The following MAPKAPK5 variants were observed in gnomAD, a reference collection of about 807,000 sequenced individuals.
MAPKAPK5 encodes the protein MAP kinase-activated protein kinase 5.
Under a neutral mutation model 65.1 loss-of-function variants are expected in MAPKAPK5, and 30 were observed. The ratio of observed to expected loss-of-function variants is 0.46; its 90% confidence interval spans 0.34 to 0.63. The LOEUF is 0.63. Ranked by LOEUF, MAPKAPK5 falls within the 20% of genes least tolerant of loss-of-function variation. The pLI is 0.01. For missense variants in MAPKAPK5, 433 were observed against 581.4 expected (o/e 0.74, Z 2.63); for synonymous variants, 179 against 204.6 (o/e 0.87, Z 1.07).
At chr12:111,866,992 G>A (rs542302796) in intron 3 of MAPKAPK5, among the ~76,000 whole-genome samples, 4 of 152,210 alleles carry the variant, frequency 2.6e-5, no homozygotes, top group South Asian at 2.1e-4. Flanking sequence ...GCAGTGGCAC[G>A]ATCATGGCTC....
chr12:111,870,110 GTTTC>G (rs996880477), intron 5 of MAPKAPK5, among the ~76,000 whole-genome samples, 157 bp from the exon 6 acceptor site: 8 of 152,236 alleles, frequency 5.3e-5, no homozygotes, highest in African/African-American at 1.9e-4. Context: ...AATCCATTCT[GTTTC>G]TTGGTATTCC....
chr12:111,901,257 C>T lies in MAPKAPK5; in HGVS notation c.*8196C>T, dbSNP rs1227025237. 2.2e-6 allele frequency: 1 copy of T among 455,930 alleles called. No homozygotes were observed. Among genetic ancestry groups the T allele is most frequent in the Non-Finnish European group, 4.4e-6 (1 of 226,800 alleles). The allele number at this position is 455,930 out of a possible 1,614,324, so 28.2% of individuals were successfully genotyped here. On this transcript the variant is annotated 3_prime_UTR_variant, in exon 14 of 14. Coordinates refer to ENST00000550735, the MANE Select transcript of MAPKAPK5 (RefSeq NM_003668.4). ...AACCCCAGTGATTTCTGCCTGCAAC[C>T]CAGAAAAAACGTGTAATGGGAAGGG...
chr12:111,845,807 C>A (rs183870380), intron 1 of MAPKAPK5, among the ~76,000 whole-genome samples: 1 of 152,048 alleles, frequency 6.6e-6, no homozygotes, highest in Non-Finnish European at 1.5e-5. Context: ...TCTGTAATCC[C>A]AGCTACTCAG....
At position 111,900,544 on chromosome 12, in the gene MAPKAPK5, C is replaced by T. The variant is rs1210578195; in HGVS notation, c.*7483C>T. The T allele has an allele frequency of 2.2e-6, 1 of 456,078 alleles. No homozygotes were observed. The highest frequency in any genetic ancestry group is 4.4e-6 in the Non-Finnish European group (1 of 226,800). The allele number at this position is 456,078 out of a possible 1,614,324, so 28.3% of individuals were successfully genotyped here. ...GCCTGCCTATTTAACAAGCCACGGC[C>T]CAGGGGCCGCAAGCGTAGGGATTCT... is the stretch of plus-strand genomic sequence containing the variant. On this transcript the variant is annotated 3_prime_UTR_variant, in exon 14 of 14. Coordinates refer to ENST00000550735, the MANE Select transcript of MAPKAPK5 (RefSeq NM_003668.4).
chr12:111,881,606 A>G (rs892653227), intron 8 of MAPKAPK5, among the ~76,000 whole-genome samples: 4 of 150,662 alleles, frequency 2.7e-5, no homozygotes, highest in African/African-American at 9.8e-5. Context: ...AGGATTCACC[A>G]TGTTGGCCAG....
chr12:111,842,722 GC>G lies in MAPKAPK5; in HGVS notation c.-8del. ...GCCTCCGCCTCTCCCGGCTGTGGGGGCCCCACTGAGTATGTCGGAGGAGAGC... is the reference window on the plus strand; with the variant it reads ...GCCTCCGCCTCTCCCGGCTGTGGGGGCCCACTGAGTATGTCGGAGGAGAGC... On this transcript the variant is annotated 5_prime_UTR_variant, in exon 1 of 14. Coordinates refer to ENST00000550735, the MANE Select transcript of MAPKAPK5 (RefSeq NM_003668.4). 3 of 1,374,422 alleles carry G rather than the reference GC, an allele frequency of 2.2e-6. No individual in the cohort carries two copies. Among genetic ancestry groups the G allele is most frequent in the Non-Finnish European group, 1.9e-6 (2 of 1,058,446 alleles). 85.1% of individuals were successfully genotyped at this position (1,374,422 alleles called of 1,614,324 possible).
At chr12:111,865,753 T>C (rs2069581167) in intron 2 of MAPKAPK5, among the ~76,000 whole-genome samples, 1 of 149,646 alleles carries the variant, frequency 6.7e-6, no homozygotes, top group Non-Finnish European at 1.5e-5. Flanking sequence ...GGAGAATCAC[T>C]TGAACCAGGG....
chr12:111,858,480 C>T (rs894906333), intron 1 of MAPKAPK5, among the ~76,000 whole-genome samples: 11 of 149,096 alleles, frequency 7.4e-5, no homozygotes, highest in African/African-American at 2.7e-4. Context: ...TTGATCATTT[C>T]TTTCTATGTA....
intron 1 of MAPKAPK5, chr12:111,843,083 C>G (rs1363805139): frequency 2.5e-6 from 1 of 398,666 alleles, no homozygotes; most frequent in Admixed American, 4.4e-5. Context: ...TACTACTACA[C>G]GTTTCGATCA....
chr12:111,901,999 A>G lies in MAPKAPK5; in HGVS notation c.*8938A>G, dbSNP rs1347531531. 6.6e-6 allele frequency: 1 copy of G among 152,536 alleles called. No individual in the cohort carries two copies. Among genetic ancestry groups the G allele is most frequent in the Admixed American group, 6.5e-5 (1 of 15,286 alleles). 9.4% of individuals were successfully genotyped at this position (152,536 alleles called of 1,614,324 possible). A position where few individuals can be genotyped will look rare whatever the true frequency, so the allele number is the denominator to read the frequency against. On this transcript the variant is annotated 3_prime_UTR_variant, in exon 14 of 14. Coordinates refer to ENST00000550735, the MANE Select transcript of MAPKAPK5 (RefSeq NM_003668.4). ...TTGGCCCAATTGTTTTAGTCACCAG[A>G]AACTTTTTCAGGACATGCTATCTTC... is the stretch of plus-strand genomic sequence containing the variant.
intron 1 of MAPKAPK5, among the ~76,000 whole-genome samples, chr12:111,862,917 C>T (rs967077274): frequency 6.6e-6 from 1 of 152,140 alleles, no homozygotes; most frequent in Non-Finnish European, 1.5e-5. Context: ...CTCTATTCCC[C>T]TGGGTCTCGT....
In MAPKAPK5 at chr12:111,896,536, G is replaced by A. The variant is rs1213752228; in HGVS notation, c.*3475G>A. On this transcript the variant is annotated 3_prime_UTR_variant, in exon 14 of 14. Transcript: ENST00000550735. ...AACATAACTGTCAGGTTTGCTACTC[G>A]AAATTTGCACATAACTGGAAGTGAA... 6.6e-6 allele frequency: 1 copy of A among 152,166 alleles called. No homozygotes were observed. The highest frequency in any genetic ancestry group is 1.5e-5 in the Non-Finnish European group (1 of 68,034). The allele number at this position is 152,166 out of a possible 1,614,324, so 9.4% of individuals were successfully genotyped here.
At chr12:111,891,083 T>C (rs540957267) in intron 13 of MAPKAPK5, among the ~76,000 whole-genome samples, 79 of 152,038 alleles carry the variant, frequency 5.2e-4, no homozygotes, top group African/African-American at 1.9e-3. Context: ...TTTTTTGTTG[T>C]TGTTGTTTTT....
intron 12 of MAPKAPK5, chr12:111,889,685 T>A (rs1047888332): frequency 4.7e-6 from 1 of 213,520 alleles, no homozygotes; most frequent in Non-Finnish European, 9.6e-6. Flanking sequence ...CTTTCTAAAG[T>A]AAGAAATGAG....
rs1333349714 is a variant in MAPKAPK5 at position 111,867,610 on chromosome 12, A to G, written c.225A>G (p.Ile75Met). The G allele has an allele frequency of 6.2e-7, 1 of 1,613,950 alleles. No individual in the cohort carries two copies. The highest frequency in any genetic ancestry group is 8.5e-7 in the Non-Finnish European group (1 of 1,179,874). The change falls in exon 4 of 14, where the codon ATA (isoleucine) becomes ATG (methionine). Residue 75 changes from isoleucine (I) to methionine (M), a missense_variant. Ile to Met is a conservative substitution (Grantham distance 10). Around this residue, in one of 3 missense-constraint regions of MAPKAPK5, gnomAD observed 165 missense variants for 180.0 expected, o/e 0.92. Coordinates refer to ENST00000550735, the MANE Select transcript of MAPKAPK5 (RefSeq NM_003668.4). ...TGATGTGTGCCACACACCCAAACAT[A>G]GTTCAGATTATTGAAGTGTTTGCTA... is the stretch of plus-strand genomic sequence containing the variant. Reference protein sequence around the residue: ...LHMMCATHPNIVQIIEVFANS... With the variant: ...LHMMCATHPNMVQIIEVFANS...
chr12:111,893,533 AGGAGGCACACTTGAGCTTGG>A lies in MAPKAPK5; in HGVS notation c.*477_*496del, dbSNP rs1273515088. 1.3e-5 allele frequency: 2 copies of A among 152,342 alleles called. No individual in the cohort carries two copies. The highest frequency in any genetic ancestry group is 1.3e-4 in the Admixed American group (2 of 15,270). 9.4% of individuals were successfully genotyped at this position (152,342 alleles called of 1,614,324 possible). ...TTGCAGACTGCTTGCTGGAACTCAC[AGGAGGCACACTTGAGCTTGG>A]GGAGCCAACTTCCATGATGGAAGAA... On this transcript the variant is annotated 3_prime_UTR_variant, in exon 14 of 14. Coordinates refer to ENST00000550735, the MANE Select transcript of MAPKAPK5 (RefSeq NM_003668.4).
In MAPKAPK5 at chr12:111,895,082, A is replaced by ACATTG. The variant is rs1356554232; in HGVS notation, c.*2023_*2027dup. On this transcript the variant is annotated 3_prime_UTR_variant, in exon 14 of 14. Transcript: ENST00000550735. The stretch of plus-strand genomic sequence containing the variant: ...CAAGTGTCTTAAGAATTACCTTATT[A>ACATTG]CATTGCTTCCTTTTTTTTTTTTTTT... The ACATTG allele has an allele frequency of 6.9e-6, 1 of 145,144 alleles. No individual in the cohort carries two copies. The highest frequency in any genetic ancestry group is 1.5e-5 in the Non-Finnish European group (1 of 67,262). The allele number at this position is 145,144 out of a possible 1,614,324, so 9.0% of individuals were successfully genotyped here.
intron 7 of MAPKAPK5, chr12:111,879,452 C>G (rs1362906848): frequency 1.4e-5 from 2 of 144,242 alleles, no homozygotes; most frequent in Non-Finnish European, 3.0e-5. Context: ...TGCAGTGGCT[C>G]AATCTTGGCT....
chr12:111,861,633 G>C (rs1238836460), intron 1 of MAPKAPK5, among the ~76,000 whole-genome samples: 1 of 152,130 alleles, frequency 6.6e-6, no homozygotes, highest in Non-Finnish European at 1.5e-5. Context: ...GCCTGCATCA[G>C]GTAGCTTTAA....
Sources: gnomAD v4.1 joint callset for allele counts (sites outside exome capture counted in the v4.1 genomes callset) on GRCh38, gnomAD v4.1.1 for gene constraint, gnomAD v4.1.1 regional missense constraint, MANE v1.5 for transcripts, NCBI Gene and HGNC (gene_info 2026-07-23, HGNC 2026-07-21) for gene names.